The following CSMD2 variants were observed in gnomAD, a reference collection of about 807,000 sequenced individuals.
The protein encoded by CSMD2 is CUB and Sushi multiple domains 2.
CSMD2 carries 130 observed loss-of-function variants against 398.5 expected under a neutral mutation model. That is an observed-to-expected ratio of 0.33 (90% CI 0.28 to 0.38). CSMD2 has a LOEUF of 0.38. Among genes scored for constraint, CSMD2 ranks in the 10% least tolerant of loss-of-function variants. The pLI, the probability that CSMD2 is intolerant of heterozygous loss-of-function variation, is 1.00. For synonymous variants in CSMD2, 1,828 were observed against 1,908.5 expected (o/e 0.96, Z 1.10); for missense variants, 3,829 against 4,764.9 (o/e 0.80, Z 5.78).
chr1:34,140,293 C>CAAAAAAA (rs6143187), intron 1 of CSMD2, among the ~76,000 whole-genome samples: 7 of 138,748 alleles, frequency 5.0e-5, no homozygotes, highest in Non-Finnish European at 9.3e-5. Context: ...TCGGCATATG[C>CAAAAAAA]AAAAAAACAA....
intron 49 of CSMD2, among the ~76,000 whole-genome samples, chr1:33,574,991 G>C (rs1250035213): frequency 6.6e-6 from 1 of 152,156 alleles, no homozygotes; most frequent in Non-Finnish European, 1.5e-5. Flanking sequence ...ACAGGCCCTG[G>C]CCTGGCCTTG....
chr1:33,673,009 G>T (rs1389045411), intron 25 of CSMD2, among the ~76,000 whole-genome samples: 1 of 152,138 alleles, frequency 6.6e-6, no homozygotes, highest in African/African-American at 2.4e-5. Context: ...ACAAAGATGG[G>T]GAAAAAACAG....
intron 2 of CSMD2, among the ~76,000 whole-genome samples, chr1:34,045,078 C>CA (rs1335683691): frequency 8.7e-5 from 13 of 149,356 alleles, no homozygotes; most frequent in Admixed American, 1.3e-4. Flanking sequence ...CACACACACA[C>CA]CCCTACAAAC....
intron 3 of CSMD2, among the ~76,000 whole-genome samples, chr1:33,985,411 G>A (rs938207555): frequency 1.3e-5 from 2 of 152,192 alleles, no homozygotes; most frequent in African/African-American, 4.8e-5. Flanking sequence ...CAGGCCCTGA[G>A]GCTGCCCAGG....
At chr1:33,988,657 G>T (rs1278448715) in intron 3 of CSMD2, among the ~76,000 whole-genome samples, 1 of 151,980 alleles carries the variant, frequency 6.6e-6, no homozygotes, top group African/African-American at 2.4e-5. Flanking sequence ...CAGGACTGAT[G>T]CCCAGCAATT....
chr1:33,831,565 A>T (rs1257300602), intron 6 of CSMD2, among the ~76,000 whole-genome samples: 1 of 152,062 alleles, frequency 6.6e-6, no homozygotes, highest in African/African-American at 2.4e-5. Flanking sequence ...TCATGCCAAA[A>T]TGTAAAGACC....
In CSMD2 at chr1:33,820,588, A is replaced by ACC. The variant is rs1553219450; in HGVS notation, c.1112-33_1112-32insGG. 1.6e-5 allele frequency: 15 copies of ACC among 917,854 alleles called. 1 individual carries two copies. The highest frequency in any genetic ancestry group is 2.2e-5 in the Non-Finnish European group (14 of 625,034). The allele number at this position is 917,854 out of a possible 1,614,324, so 56.9% of individuals were successfully genotyped here. On this transcript the variant is annotated intron_variant, in intron 7 of 70. Transcript: ENST00000373381. ...GGCAAAAAAAAAAAAAAAAAAAAAA[A>ACC]CAGCACACACAGAGATGGACAGTCA...
intron 5 of CSMD2, chr1:33,864,365 CA>C: frequency 8.7e-6 from 14 of 1,614,010 alleles, no homozygotes; most frequent in Non-Finnish European, 1.2e-5. Context: ...ATGAAAAGGC[CA>C]AATATGAAGC....
intron 3 of CSMD2, among the ~76,000 whole-genome samples, chr1:33,941,301 A>G (rs1188396889): frequency 6.6e-6 from 1 of 152,164 alleles, no homozygotes; most frequent in South Asian, 2.1e-4. Flanking sequence ...GCCTTCTTTT[A>G]TTTTTAATTT....
rs527615926 is a variant in CSMD2, at chr1:34,000,194, C to T, written c.517+32400G>A. ...TTTCTTAAAACAAAGTATCTCAGTC[C>T]TCAAAAGGACTTCAATAAACTTTTT... On this transcript the variant is annotated intron_variant, in intron 3 of 70. Transcript: ENST00000373381. 9.2e-5 allele frequency among the ~76,000 whole-genome samples: 14 copies of T among 152,214 alleles called. No homozygotes were observed. In the South Asian group the frequency reaches 2.7e-3, roughly 29 times the overall value.
chr1:34,001,348 T>G (rs61116476), intron 3 of CSMD2, among the ~76,000 whole-genome samples: 14 of 152,076 alleles, frequency 9.2e-5, no homozygotes, highest in African/African-American at 3.1e-4. Context: ...ATTTTATATA[T>G]AGCAATCACC....
In CSMD2 at chr1:33,670,846, G is replaced by A. The variant is rs140742315; in HGVS notation, c.4053-7754C>T. Among the ~76,000 whole-genome samples, 10 of 152,306 alleles carry A rather than the reference G, an allele frequency of 6.6e-5. 1 individual carries two copies. In the East Asian group the frequency reaches 1.2e-3, roughly 18 times the overall value. ...TACAGTCTACAGTAAAGGTATGTAC[G>A]GAGAAGCCCCCTAACTTAGGCCAAG... On this transcript the variant is annotated intron_variant, in intron 25 of 70. Coordinates refer to ENST00000373381, the MANE Select transcript of CSMD2 (RefSeq NM_001281956.2).
chr1:33,616,316 C>A lies in CSMD2; in HGVS notation c.6016+590G>T, dbSNP rs575193136. On this transcript the variant is annotated intron_variant, in intron 39 of 70. Transcript: ENST00000373381. ...ACAGTGGTGCAGTCTCAGCTCACTG[C>A]AACCTCCGCCTCCTGGGTTCAAGTG... Among the ~76,000 whole-genome samples the A allele has an allele frequency of 6.6e-5, 10 of 152,256 alleles. No homozygotes were observed. In the South Asian group the frequency reaches 2.1e-3, roughly 32 times the overall value.
chr1:34,051,385 T>C (rs1245885295), intron 2 of CSMD2, among the ~76,000 whole-genome samples: 2 of 152,208 alleles, frequency 1.3e-5, no homozygotes, highest in African/African-American at 2.4e-5. Flanking sequence ...ATAAAGACTG[T>C]CATTGTTATG....
Position 33,825,713 on chromosome 1 carries a change from G to A in CSMD2, c.1095C>T (p.Ser365=), listed in dbSNP as rs1264552755. The change falls in exon 7 of 71, where the codon AGC becomes AGT. Residue 365 remains serine (S), a synonymous_variant. Coordinates refer to ENST00000373381, the MANE Select transcript of CSMD2 (RefSeq NM_001281956.2). ...GVKLMPSKDN[S]QKTSVLTQVG... ...GACACTTACACACAGACGTCTTCTG[G>A]CTGTTGTCTTTGCTGGGCATCAGCT... is the stretch of plus-strand genomic sequence containing the variant. 1.2e-6 allele frequency: 2 copies of A among 1,612,936 alleles called. No homozygotes were observed. Among genetic ancestry groups the A allele is most frequent in the Non-Finnish European group, 1.7e-6 (2 of 1,179,608 alleles).
chr1:33,948,453 A>T (rs1644904736), intron 3 of CSMD2, among the ~76,000 whole-genome samples: 1 of 152,180 alleles, frequency 6.6e-6, no homozygotes, highest in South Asian at 2.1e-4. Flanking sequence ...TTTACAAGAG[A>T]CATGCACACA....
intron 29 of CSMD2, among the ~76,000 whole-genome samples, chr1:33,643,207 T>C (rs1643211800): frequency 6.6e-6 from 1 of 152,216 alleles, no homozygotes; most frequent in South Asian, 2.1e-4. Flanking sequence ...TCTCCATCTA[T>C]GGTTCTCTCC....
chr1:33,609,694 G>A (rs1359503006), intron 41 of CSMD2, among the ~76,000 whole-genome samples: 1 of 152,028 alleles, frequency 6.6e-6, no homozygotes, highest in Non-Finnish European at 1.5e-5. Context: ...AACAAAATTG[G>A]AAAACTATAG....
intron 3 of CSMD2, among the ~76,000 whole-genome samples, chr1:33,965,577 G>T (rs1645528119): frequency 6.6e-6 from 1 of 152,102 alleles, no homozygotes; most frequent in African/African-American, 2.4e-5. Flanking sequence ...TGCCTTCTGG[G>T]ATTCTCATCT....
Sources: gnomAD v4.1 joint callset for allele counts (sites outside exome capture counted in the v4.1 genomes callset) on GRCh38, gnomAD v4.1.1 for gene constraint, MANE v1.5 for transcripts, NCBI Gene and HGNC (gene_info 2026-07-23, HGNC 2026-07-21) for gene names.